The following PGAM1 variants were observed in gnomAD, a reference collection of about 807,000 sequenced individuals.
PGAM1 encodes the protein BPG-dependent PGAM 1.
PGAM1 carries 21 observed loss-of-function variants against 23.5 expected under a neutral mutation model. The ratio of observed to expected loss-of-function variants is 0.89; its 90% CI spans 0.63 to 1.29. The LOEUF is 1.29. Among genes scored for constraint, PGAM1 ranks in the 50% most tolerant of loss-of-function variants. PGAM1 has a pLI of 0.00. For missense variants in PGAM1, 232 were observed against 336.3 expected, an observed-to-expected ratio of 0.69 and a Z score of 2.42; for synonymous variants, 109 against 128.6, an observed-to-expected ratio of 0.85 and a Z score of 1.03.
intron 3 of PGAM1, among the ~76,000 whole-genome samples, chr10:97,431,692 C>G (rs1162283556): frequency 2.6e-5 from 4 of 152,100 alleles, no homozygotes; most frequent in Non-Finnish European, 2.9e-5. Flanking sequence ...TCAAAACCAG[C>G]CTGAGCAACA....
intron 1 of PGAM1, chr10:97,427,100 G>C (rs1374925531): frequency 6.4e-6 from 1 of 157,004 alleles, no homozygotes; most frequent in African/African-American, 2.4e-5. Flanking sequence ...ATGGCGGCCA[G>C]GTCTTTTTCA....
intron 3 of PGAM1, among the ~76,000 whole-genome samples, chr10:97,431,875 A>G (rs1294796783): frequency 6.7e-6 from 1 of 149,818 alleles, no homozygotes; most frequent in Non-Finnish European, 1.5e-5. Flanking sequence ...GTGAGAGAGT[A>G]AGACCTTGTC....
At chr10:97,430,910 A>G (rs1323243407) in intron 2 of PGAM1, 45 bp from the exon 3 acceptor site, 2 of 1,609,832 alleles carry the variant, frequency 1.2e-6, no homozygotes, top group South Asian at 2.2e-5. Context: ...CTTTTAACAG[A>G]TGTAACTCTT....
Position 97,430,605 on chromosome 10 carries a change from A to C in PGAM1, c.366A>C (p.Pro122=). 4.4e-6 allele frequency: 7 copies of C among 1,602,390 alleles called. No homozygotes were observed. The highest frequency in any genetic ancestry group is 5.9e-6 in the Non-Finnish European group (7 of 1,179,962). Residue 122 remains proline (P), a synonymous_variant, in exon 2 of 4, where the codon CCA becomes CCC. Coordinates refer to ENST00000334828, the MANE Select transcript of PGAM1 (RefSeq NM_002629.4). ...TCTGGAGGCGCTCCTATGATGTCCC[A>C]CCACCTCCGATGGAGCCCGACCATC... ...VKIWRRSYDV[P]PPPMEPDHPF...
At chr10:97,430,237 A>T in intron 1 of PGAM1, 142 bp from the exon 2 acceptor site, 1 of 998,186 alleles carries the variant, frequency 1.0e-6, no homozygotes, top group Non-Finnish European at 1.6e-6. Flanking sequence ...GAGTGCAAGG[A>T]TAAACAAAAC....
rs1328232004 is a variant in PGAM1 at position 97,426,208 on chromosome 10, C to T, written c.-100C>T. 4 of 1,561,132 alleles carry T rather than the reference C, an allele frequency of 2.6e-6. No homozygotes were observed. Among genetic ancestry groups the T allele is most frequent in the Non-Finnish European group, 3.5e-6 (4 of 1,140,664 alleles). On this transcript the variant is annotated 5_prime_UTR_variant, in exon 1 of 4. Transcript: ENST00000334828. Reference sequence around the variant, plus strand: ...ATTTGGGCGAGAACTTGCGCGGGAGCCGGACTGAGCGGTGCGAGCGCGCAG... The same window carrying T: ...ATTTGGGCGAGAACTTGCGCGGGAGTCGGACTGAGCGGTGCGAGCGCGCAG...
chr10:97,426,916 C>A (rs1028925167), intron 1 of PGAM1, among the ~76,000 whole-genome samples: 2 of 152,196 alleles, frequency 1.3e-5, no homozygotes, highest in Non-Finnish European at 2.9e-5. Flanking sequence ...CGCCTGTAAT[C>A]CCAGCTACTC....
intron 1 of PGAM1, chr10:97,427,995 CTCA>C (rs1335917740): frequency 1.7e-6 from 2 of 1,202,330 alleles, no homozygotes; most frequent in Admixed American, 2.3e-5. Context: ...CTGGTGTGAC[CTCA>C]TCTTTTAGGA....
At chr10:97,426,641 G>A (rs1041556177) in intron 1 of PGAM1, among the ~76,000 whole-genome samples, 195 bp downstream of exon 1, 22 of 152,276 alleles carry the variant, frequency 1.4e-4, no homozygotes, top group Admixed American at 8.5e-4. Flanking sequence ...AGCATGAGGG[G>A]CTGTGCCAGG....
intron 1 of PGAM1, among the ~76,000 whole-genome samples, chr10:97,429,127 A>C (rs531059672): frequency 3.9e-5 from 5 of 129,408 alleles, no homozygotes; most frequent in Non-Finnish European, 7.8e-5. Context: ...TGCGTGCGAC[A>C]GAGTCTCGCT....
rs528991468 is a variant in PGAM1, at chr10:97,429,781, T to C, written c.140-598T>C. Among the ~76,000 whole-genome samples the C allele has an allele frequency of 4.0e-4, 61 of 152,250 alleles. 1 individual carries two copies. The South Asian group carries it at 5.2e-3, about 13-fold the overall frequency. On this transcript the variant is annotated intron_variant, in intron 1 of 3. Transcript: ENST00000334828. ...AGGAAGAGCTCTTCCTGTGTCCTGA[T>C]TGGGATTTAAATCCTAATTTTCTTA...
intron 1 of PGAM1, chr10:97,427,865 T>C (rs1845429065): frequency 3.1e-6 from 4 of 1,289,318 alleles, no homozygotes; most frequent in Non-Finnish European, 4.0e-6. Context: ...CTCAGATTGC[T>C]CTCCTAGCTT....
chr10:97,427,217 C>G (rs1845420514), intron 1 of PGAM1: 3 of 962,958 alleles, frequency 3.1e-6, no homozygotes, highest in Non-Finnish European at 1.2e-6. Context: ...GCTACGGATC[C>G]TAGCGGATCG....
intron 1 of PGAM1, among the ~76,000 whole-genome samples, chr10:97,426,918 C>T (rs955019574): frequency 3.9e-5 from 6 of 152,186 alleles, no homozygotes; most frequent in Admixed American, 1.3e-4. Flanking sequence ...CCTGTAATCC[C>T]AGCTACTCGG....
chr10:97,429,971 G>A (rs766780680), intron 1 of PGAM1, among the ~76,000 whole-genome samples: 2 of 151,640 alleles, frequency 1.3e-5, no homozygotes, highest in Admixed American at 6.6e-5. Flanking sequence ...GCTTGAACCC[G>A]GGAGGCGGAG....
chr10:97,427,569 G>C (rs1197747324), intron 1 of PGAM1: 1 of 1,159,466 alleles, frequency 8.6e-7, no homozygotes, highest in African/African-American at 1.6e-5. Flanking sequence ...GAAGTAACAG[G>C]TAGGTGTGAG....
In PGAM1 at chr10:97,429,092, C is replaced by CATT. The variant is rs1491389285; in HGVS notation, c.140-1287_140-1286insATT. On this transcript the variant is annotated intron_variant, in intron 1 of 3. Coordinates refer to ENST00000334828, the MANE Select transcript of PGAM1 (RefSeq NM_002629.4). ...GAAACAAAATCAATAAGACTGATTCCTTTTTTTTTTTTTTTTTTTTTTTTT... is the reference window on the plus strand; with the variant it reads ...GAAACAAAATCAATAAGACTGATTCCATTTTTTTTTTTTTTTTTTTTTTTTTTT... Among the ~76,000 whole-genome samples, 23 of 84,764 alleles carry CATT rather than the reference C, an allele frequency of 2.7e-4. 1 individual carries two copies. The highest frequency in any genetic ancestry group is 4.2e-4 in the Non-Finnish European group (20 of 47,322). The allele number at this position is 84,764 out of a possible 152,430, so 55.6% of individuals were successfully genotyped here.
chr10:97,426,558 CTT>C (rs1845412305), intron 1 of PGAM1, 112 bp downstream of exon 1: 2 of 1,332,524 alleles, frequency 1.5e-6, no homozygotes, highest in African/African-American at 1.5e-5. Flanking sequence ...CAGCATCTCT[CTT>C]AACAGTTTAG....
At chr10:97,427,616 G>C in intron 1 of PGAM1, 1 of 1,180,186 alleles carries the variant, frequency 8.5e-7, no homozygotes, top group African/African-American at 1.6e-5. Flanking sequence ...GCTGGGCAAA[G>C]GTGGAAGTGG....
Sources: allele counts gnomAD v4.1 joint callset (sites outside exome capture counted in the v4.1 genomes callset), GRCh38; gene constraint gnomAD v4.1.1; transcripts MANE v1.5; gene names NCBI Gene and HGNC (gene_info 2026-07-23, HGNC 2026-07-21).